DAB1: variants seen among roughly 807,000 people sequenced by gnomAD.
DAB1 encodes the protein DAB adaptor protein 1, also known as disabled homolog 1.
In DAB1, 15 loss-of-function variants were observed where a neutral mutation model predicts 64.6. That is an observed-to-expected ratio of 0.23 (90% CI 0.16 to 0.36). The LOEUF (loss-of-function observed/expected upper bound fraction) is 0.36, where lower values mean the gene tolerates loss of function less well. DAB1 is among the 10% of genes least tolerant of loss of function. DAB1 has a pLI of 1.00. For missense variants in DAB1, 596 were observed against 706.7 expected (o/e 0.84, Z 1.78); for synonymous variants, 235 against 251.9 (o/e 0.93, Z 0.64).
intron 7 of DAB1, among the ~76,000 whole-genome samples, chr1:57,482,477 T>TA (rs918167439): frequency 0.064 from 3,899 of 61,116 alleles, 313 homozygotes; most frequent in Non-Finnish European, 0.086. Flanking sequence ...CTGAAAGTTG[T>TA]AAAAAAAAAA....
intron 1 of DAB1, among the ~76,000 whole-genome samples, chr1:57,311,522 C>CCACACA (rs3042913): frequency 0.012 from 1,751 of 150,062 alleles, 37 homozygotes; most frequent in East Asian, 0.086. Context: ...CTGCCAACCA[C>CCACACA]CACACACACA....
intron 5 of DAB1, among the ~76,000 whole-genome samples, chr1:58,083,898 C>T (rs966501418): frequency 6.6e-6 from 1 of 152,092 alleles, no homozygotes; most frequent in Admixed American, 6.5e-5. Flanking sequence ...AGTCAGGAAG[C>T]AAGCCATGAA....
intron 5 of DAB1, among the ~76,000 whole-genome samples, chr1:57,936,692 A>AT (rs201146724): frequency 0.018 from 2,718 of 150,742 alleles, 43 homozygotes; most frequent in East Asian, 0.082. Flanking sequence ...ATTTTTATTT[A>AT]TTTATTTTTT....
At chr1:58,348,685 G>A (rs1046843933) in intron 3 of DAB1, among the ~76,000 whole-genome samples, 8 of 152,126 alleles carry the variant, frequency 5.3e-5, no homozygotes, top group African/African-American at 1.4e-4. Flanking sequence ...CTGATGCTGT[G>A]ATTCTAATTA....
intron 4 of DAB1, among the ~76,000 whole-genome samples, chr1:58,254,193 G>A (rs535094256): frequency 6.6e-6 from 1 of 152,200 alleles, no homozygotes; most frequent in South Asian, 2.1e-4. Context: ...TAAAGACAAT[G>A]GGAATGTGAA....
At chr1:58,436,872 G>C (rs1287342420) in intron 3 of DAB1, among the ~76,000 whole-genome samples, 1 of 152,162 alleles carries the variant, frequency 6.6e-6, no homozygotes, top group Non-Finnish European at 1.5e-5. Flanking sequence ...AGTCAGACCA[G>C]AGGAAGCCTT....
intron 5 of DAB1, among the ~76,000 whole-genome samples, chr1:58,042,789 T>A (rs1291288746): frequency 1.3e-5 from 2 of 152,108 alleles, no homozygotes; most frequent in African/African-American, 4.8e-5. Context: ...GCAAAGATAT[T>A]AGAGGAGCTT....
intron 2 of DAB1, among the ~76,000 whole-genome samples, chr1:58,509,488 A>G (rs1458592014): frequency 6.6e-6 from 1 of 151,604 alleles, no homozygotes; most frequent in East Asian, 1.9e-4. Context: ...GATGGGATAC[A>G]GCAAAGGCAG....
At chr1:58,368,900 G>A (rs1644239516) in intron 3 of DAB1, among the ~76,000 whole-genome samples, 1 of 152,194 alleles carries the variant, frequency 6.6e-6, no homozygotes, top group South Asian at 2.1e-4. Context: ...GGTGGCACAT[G>A]CCTGTGGTCC....
At chr1:57,773,130 T>C (rs1425786672) in intron 6 of DAB1, among the ~76,000 whole-genome samples, 1 of 152,094 alleles carries the variant, frequency 6.6e-6, no homozygotes, top group Non-Finnish European at 1.5e-5. Context: ...TTCAGACTTC[T>C]ACCCTGCAGA....
intron 1 of DAB1, among the ~76,000 whole-genome samples, chr1:57,308,155 G>C (rs563631392): frequency 6.6e-6 from 1 of 152,290 alleles, no homozygotes; most frequent in Admixed American, 6.5e-5. Context: ...CAAACTAGTA[G>C]GTCAGTTCAT....
intron 4 of DAB1, among the ~76,000 whole-genome samples, chr1:58,164,597 A>G (rs1006916163): frequency 1.3e-5 from 2 of 152,232 alleles, no homozygotes; most frequent in African/African-American, 4.8e-5. Flanking sequence ...AAAATGTAGC[A>G]TGCCAATGAA....
At chr1:57,948,901 T>C (rs1195756070) in intron 5 of DAB1, among the ~76,000 whole-genome samples, 1 of 152,182 alleles carries the variant, frequency 6.6e-6, no homozygotes, top group African/African-American at 2.4e-5. Flanking sequence ...CCTCTTTGGA[T>C]ACTATTTTTC....
chr1:57,199,591 A>G (rs1345913213), intron 2 of DAB1, among the ~76,000 whole-genome samples: 2 of 152,246 alleles, frequency 1.3e-5, no homozygotes. Context: ...TACAAGAACA[A>G]TTCTGACTAC....
intron 2 of DAB1, among the ~76,000 whole-genome samples, chr1:57,166,656 C>G (rs189070877): frequency 6.6e-6 from 1 of 152,118 alleles, no homozygotes; most frequent in Admixed American, 6.5e-5. Context: ...TCAAATAATA[C>G]GCACAATTTA....
chr1:57,367,899 A>C (rs2100924458), intron 1 of DAB1, among the ~76,000 whole-genome samples: 1 of 152,246 alleles, frequency 6.6e-6, no homozygotes, highest in East Asian at 1.9e-4. Flanking sequence ...CCCACTCCTC[A>C]GAGCAGGCAG....
At position 58,266,038 on chromosome 1, in the gene DAB1, C is replaced by CCCACCA. The variant is rs6143228; in HGVS notation, n.309+77308_309+77313dup. ...TCTCTATACACACACACACATACACCCCACCACCACCACCACCACAGAGAA... is the reference window on the plus strand; with the variant it reads ...TCTCTATACACACACACACATACACCCCACCACCACCACCACCACCACCACAGAGAA... On this transcript the variant is annotated intron_variant and non_coding_transcript_variant, in intron 4 of 20. Coordinates refer to the DAB1 transcript ENST00000485760. Among the ~76,000 whole-genome samples, 11 of 149,958 alleles carry CCCACCA rather than the reference C, an allele frequency of 7.3e-5. No homozygotes were observed. In the East Asian group the frequency reaches 9.8e-4, roughly 13 times the overall value.
chr1:57,250,379 A>G (rs1186275926), intron 2 of DAB1, among the ~76,000 whole-genome samples: 2 of 152,192 alleles, frequency 1.3e-5, no homozygotes, highest in African/African-American at 4.8e-5. Flanking sequence ...TTGAGGAATA[A>G]AATATATAAA....
At chr1:57,628,914 A>G (rs552473357) in intron 7 of DAB1, among the ~76,000 whole-genome samples, 50 of 152,332 alleles carry the variant, frequency 3.3e-4, no homozygotes, top group African/African-American at 9.1e-4. Context: ...AATTACATCT[A>G]ACACTTATAT....
Sources: gnomAD v4.1 joint callset for allele counts (sites outside exome capture counted in the v4.1 genomes callset) on GRCh38, gnomAD v4.1.1 for gene constraint, MANE v1.5 for transcripts, NCBI Gene and HGNC (gene_info 2026-07-23, HGNC 2026-07-21) for gene names.